The following TNFRSF10C variants were observed in gnomAD, a reference collection of about 807,000 sequenced individuals.
The protein encoded by TNFRSF10C is TNF receptor superfamily member 10c.
TNFRSF10C carries 17 observed loss-of-function variants against 16.7 expected under a neutral mutation model. The observed-to-expected ratio is 1.02, with a 90% CI of 0.70 to 1.53. The LOEUF (loss-of-function observed/expected upper bound fraction) is 1.53. Ranked by LOEUF, TNFRSF10C falls within the 40% of genes most tolerant of loss-of-function variation. The pLI is 0.00. For missense variants in TNFRSF10C, 237 were observed against 329.7 expected, an observed-to-expected ratio of 0.72 and a Z score of 2.18; for synonymous variants, 73 against 119.7, an observed-to-expected ratio of 0.61 and a Z score of 2.55.
At chr8:23,109,634 C>CAAAAA in intron 1 of TNFRSF10C, among the ~76,000 whole-genome samples, 1 of 140,010 alleles carries the variant, frequency 7.1e-6, no homozygotes, top group African/African-American at 2.6e-5. Flanking sequence ...GACTCCATCT[C>CAAAAA]AAAAAAAAAA....
At chr8:23,104,974 C>A (rs949253732) in intron 1 of TNFRSF10C, among the ~76,000 whole-genome samples, 6 of 152,194 alleles carry the variant, frequency 3.9e-5, no homozygotes, top group Non-Finnish European at 8.8e-5. Flanking sequence ...AGGGTGACTT[C>A]AGATGAGCCT....
chr8:23,111,557 G>A, intron 1 of TNFRSF10C, among the ~76,000 whole-genome samples, 163 bp from the exon 2 acceptor site: 1 of 151,552 alleles, frequency 6.6e-6, no homozygotes, highest in East Asian at 1.9e-4. Flanking sequence ...GCCCTAACAG[G>A]CCAAGGGACA....
intron 1 of TNFRSF10C, among the ~76,000 whole-genome samples, chr8:23,109,988 G>A (rs1233856571): frequency 7.0e-6 from 1 of 143,218 alleles, no homozygotes; most frequent in Non-Finnish European, 1.5e-5. Flanking sequence ...GGGAGGCAGA[G>A]GAGGCAAAGG....
In TNFRSF10C at chr8:23,103,505, CTCAT is replaced by C. The variant is rs1419653078; in HGVS notation, c.60+326_60+329del. On this transcript the variant is annotated intron_variant, in intron 1 of 4. Transcript: ENST00000356864. ...CTGAAGACACAGAGCGGTTGCCTCT[CTCAT>C]TAATTAATTAATTAGTTAATAAAAT... 2.6e-5 allele frequency: 12 copies of C among 461,586 alleles called. No homozygotes were observed. The Admixed American group carries it at 3.6e-4, about 14-fold the overall frequency. 28.6% of individuals were successfully genotyped at this position (461,586 alleles called of 1,614,324 possible). A position where few individuals can be genotyped will look rare whatever the true frequency, so the allele number is the denominator to read the frequency against.
chr8:23,117,222 TC>T lies in TNFRSF10C; in HGVS notation c.*195del. The T allele has an allele frequency of 1.2e-6, 1 of 855,190 alleles. No individual in the cohort carries two copies. The highest frequency in any genetic ancestry group is 1.8e-6 in the Non-Finnish European group (1 of 566,992). 53.0% of individuals were successfully genotyped at this position (855,190 alleles called of 1,614,324 possible). ...TATCTTCCTCCTTGTGATCGTCCCA[TC>T]CCCACATCCCGTGCACCCCCCAGGA... On this transcript the variant is annotated 3_prime_UTR_variant, in exon 5 of 5. Transcript: ENST00000356864.
At chr8:23,114,583 GA>G in intron 2 of TNFRSF10C, 73 bp from the exon 3 acceptor site, 1 of 1,255,510 alleles carries the variant, frequency 8.0e-7, no homozygotes, top group East Asian at 2.3e-5. Context: ...GGCCAAAAAA[GA>G]AGTTTCCCCA....
Position 23,103,183 on chromosome 8 carries a change from T to G in TNFRSF10C, c.60+2T>G, listed in dbSNP as rs550790268. On this transcript the variant is annotated splice_donor_variant, in intron 1 of 4. Transcript: ENST00000356864. LOFTEE classifies it high-confidence loss of function. ...GTCATCGTCGCGGTCCTGCTGCCAG[T>G]GAGTCCCGGCCGCGGTCCCTGGCTG... 1 of 1,610,124 alleles carries G rather than the reference T, an allele frequency of 6.2e-7. No individual in the cohort carries two copies. Among genetic ancestry groups the G allele is most frequent in the Non-Finnish European group, 8.5e-7 (1 of 1,178,570 alleles).
intron 1 of TNFRSF10C, among the ~76,000 whole-genome samples, chr8:23,108,863 G>A (rs185317419): frequency 4.6e-5 from 7 of 151,974 alleles, no homozygotes; most frequent in Non-Finnish European, 8.8e-5. Flanking sequence ...GATAGACCAG[G>A]TTCTGGGCTA....
At position 23,103,275 on chromosome 8, in the gene TNFRSF10C, G is replaced by A. The variant is rs1206342906; in HGVS notation, c.60+94G>A. The A allele has an allele frequency of 1.9e-6, 3 of 1,543,920 alleles. No homozygotes were observed. The African/African-American group carries it at 4.1e-5, about 21-fold the overall frequency. On this transcript the variant is annotated intron_variant, in intron 1 of 4. Coordinates refer to ENST00000356864, the MANE Select transcript of TNFRSF10C (RefSeq NM_003841.5). ...GGACACGGCAGGGATGCCTGGCCCT[G>A]GTCACCTGCGGCCGGGCATGTCCGG...
At chr8:23,110,329 T>C (rs1813857533) in intron 1 of TNFRSF10C, among the ~76,000 whole-genome samples, 1 of 152,182 alleles carries the variant, frequency 6.6e-6, no homozygotes, top group South Asian at 2.1e-4. Flanking sequence ...CTTGTTTAGA[T>C]CCAGGCAGTT....
At chr8:23,111,553 A>G (rs1339175227) in intron 1 of TNFRSF10C, among the ~76,000 whole-genome samples, 167 bp from the exon 2 acceptor site, 1 of 151,814 alleles carries the variant, frequency 6.6e-6, no homozygotes, top group Admixed American at 6.6e-5. Flanking sequence ...GCTGGCCCTA[A>G]CAGGCCAAGG....
intron 1 of TNFRSF10C, 68 bp downstream of exon 1, chr8:23,103,249 G>T: frequency 6.4e-7 from 1 of 1,573,272 alleles, no homozygotes; most frequent in East Asian, 2.3e-5. Context: ...CAGGGAGACG[G>T]GGACACGGCA....
intron 1 of TNFRSF10C, 118 bp downstream of exon 1, chr8:23,103,299 G>A: frequency 6.6e-7 from 1 of 1,512,526 alleles, no homozygotes; most frequent in Non-Finnish European, 8.9e-7. Flanking sequence ...GGGCATGTCC[G>A]GGCAGGACGA....
At chr8:23,108,467 C>G (rs1585246466) in intron 1 of TNFRSF10C, among the ~76,000 whole-genome samples, 1 of 152,224 alleles carries the variant, frequency 6.6e-6, no homozygotes, top group African/African-American at 2.4e-5. Flanking sequence ...TCGCCCAACA[C>G]TGCTGGTGTC....
chr8:23,107,169 C>G (rs1813794202), intron 1 of TNFRSF10C, among the ~76,000 whole-genome samples: 1 of 152,012 alleles, frequency 6.6e-6, no homozygotes, highest in African/African-American at 2.4e-5. Flanking sequence ...ATAGCAAAAC[C>G]CGGTCACAAC....
At chr8:23,106,771 G>A (rs185889948) in intron 1 of TNFRSF10C, among the ~76,000 whole-genome samples, 1 of 151,946 alleles carries the variant, frequency 6.6e-6, no homozygotes, top group East Asian at 1.9e-4. Context: ...TGGATCACGA[G>A]GTCAGGAGAT....
Position 23,116,632 on chromosome 8 carries a change from TGTACCCAGGTGCCCTAGTGGG to T in TNFRSF10C, c.390-7_403del, listed in dbSNP as rs1255546412. Reference sequence around the variant, plus strand: ...AGGAGTCCTCACCTCCCTCTCTGTGTGTACCCAGGTGCCCTAGTGGGGAAGTCCAAGTCAGTAATTGTACGT... The same window carrying T: ...AGGAGTCCTCACCTCCCTCTCTGTGTGAAGTCCAAGTCAGTAATTGTACGT... On this transcript the variant is annotated splice_acceptor_variant and splice_polypyrimidine_tract_variant and coding_sequence_variant and intron_variant, in exon 5 of 5. Transcript: ENST00000356864. LOFTEE classifies it high-confidence loss of function. 1 of 1,611,142 alleles carries T rather than the reference TGTACCCAGGTGCCCTAGTGGG, an allele frequency of 6.2e-7. No homozygotes were observed. The highest frequency in any genetic ancestry group is 1.7e-5 in the Admixed American group (1 of 59,940).
chr8:23,109,580 T>A (rs1196272744), intron 1 of TNFRSF10C, among the ~76,000 whole-genome samples: 1 of 150,466 alleles, frequency 6.6e-6, no homozygotes, highest in African/African-American at 2.5e-5. Flanking sequence ...GAGCTTGCAG[T>A]GAGCCGAGAT....
At position 23,116,878 on chromosome 8, in the gene TNFRSF10C, T is replaced by C. The variant is rs140895906; in HGVS notation, c.627T>C (p.Ala209=). The C allele has an allele frequency of 6.2e-7, 1 of 1,612,060 alleles. No homozygotes were observed. The highest frequency in any genetic ancestry group is 1.3e-5 in the African/African-American group (1 of 74,430). The change falls in exon 5 of 5, where the codon GCT becomes GCC. Residue 209 remains alanine, a synonymous_variant. Coordinates refer to ENST00000356864, the MANE Select transcript of TNFRSF10C (RefSeq NM_003841.5). The part of the protein sequence containing the change: ...TTSPGTPAPA[A]EETMTTSPGT... ...GCCCGGGGACTCCTGCCCCAGCTGC[T>C]GAAGAGACAATGACCACCAGCCCGG...
Sources: gnomAD v4.1 joint callset for allele counts (sites outside exome capture counted in the v4.1 genomes callset) on GRCh38, gnomAD v4.1.1 for gene constraint, MANE v1.5 for transcripts, NCBI Gene and HGNC (gene_info 2026-07-23, HGNC 2026-07-21) for gene names.